The following CREB3L2 variants were observed in gnomAD, a reference collection of about 807,000 sequenced individuals.
CREB3L2 encodes the protein cAMP responsive element binding protein 3 like 2, also known as cyclic AMP-responsive element-binding protein 3-like protein 2.
A neutral mutation model predicts 57.2 loss-of-function variants in CREB3L2; 23 were observed. The observed-to-expected ratio is 0.40, with a 90% confidence interval of 0.29 to 0.57. The LOEUF (loss-of-function observed/expected upper bound fraction) is 0.57, where lower values mean the gene tolerates loss of function less well. CREB3L2 is among the 20% of genes least tolerant of loss of function. The probability of loss-of-function intolerance (pLI) is 0.42; values close to 1 mark genes in which losing one functional copy is unlikely to be tolerated. For synonymous variants in CREB3L2, 268 were observed against 265.1 expected, an observed-to-expected ratio of 1.01 and a Z score of -0.11; for missense variants, 628 against 634.7, an observed-to-expected ratio of 0.99 and a Z score of 0.11.
chr7:137,987,716 C>T (rs1229639508), intron 1 of CREB3L2, among the ~76,000 whole-genome samples: 1 of 152,206 alleles, frequency 6.6e-6, no homozygotes, highest in Non-Finnish European at 1.5e-5. Context: ...CAGGATCTGG[C>T]TCTGTTGCCC....
Position 138,001,800 on chromosome 7 carries a change from G to C in CREB3L2, c.-95C>G. On this transcript the variant is annotated 5_prime_UTR_variant, in exon 1 of 12. Transcript: ENST00000330387. This position sits in a 1 kb window ranked among gnomAD's most constrained non-coding sequence, Gnocchi z 4.2. ...GCAAGGTTCCTCTCTCTCCGCGTGTGCTTGCGTGTGTGCGCGCGCGTGTCT... is the reference window on the plus strand; with the variant it reads ...GCAAGGTTCCTCTCTCTCCGCGTGTCCTTGCGTGTGTGCGCGCGCGTGTCT... 1 of 839,602 alleles carries C rather than the reference G, an allele frequency of 1.2e-6. No homozygotes were observed. Among genetic ancestry groups the C allele is most frequent in the South Asian group, 1.9e-5 (1 of 51,826 alleles). The allele number at this position is 839,602 out of a possible 1,614,324, so 52.0% of individuals were successfully genotyped here.
chr7:137,879,982 G>A lies in CREB3L2; in HGVS notation c.*494C>T. 1 of 239,902 alleles carries A rather than the reference G, an allele frequency of 4.2e-6. No individual in the cohort carries two copies. The highest frequency in any genetic ancestry group is 6.0e-5 in the East Asian group (1 of 16,704). The allele number at this position is 239,902 out of a possible 1,614,324, so 14.9% of individuals were successfully genotyped here. The stretch of plus-strand genomic sequence containing the variant: ...GCTCCCAGGGGGCAGAGTGGGCGGA[G>A]GGCTGCTGTCGGGGGTGTTCACACC... On this transcript the variant is annotated 3_prime_UTR_variant, in exon 12 of 12. Transcript: ENST00000330387.
chr7:137,926,419 A>G (rs1208892466), intron 2 of CREB3L2, among the ~76,000 whole-genome samples: 1 of 152,216 alleles, frequency 6.6e-6, no homozygotes, highest in Non-Finnish European at 1.5e-5. Context: ...GAATGAGTGC[A>G]TGTCCTTTGC....
At chr7:137,919,274 C>T (rs58888708) in intron 2 of CREB3L2, among the ~76,000 whole-genome samples, 3,245 of 151,642 alleles carry the variant, frequency 0.021, 33 homozygotes, top group African/African-American at 0.039. Context: ...TGGGTTCAAG[C>T]GATTCTCCTG....
chr7:137,987,870 G>C (rs888180550), intron 1 of CREB3L2, among the ~76,000 whole-genome samples: 1 of 152,106 alleles, frequency 6.6e-6, no homozygotes, highest in African/African-American at 2.4e-5. Flanking sequence ...TTAAAAGTTT[G>C]TAACACGGGT....
intron 1 of CREB3L2, among the ~76,000 whole-genome samples, chr7:137,965,732 G>A (rs1227141782): frequency 3.3e-5 from 5 of 152,146 alleles, no homozygotes; most frequent in Admixed American, 3.3e-4. Context: ...GTTGACCAGG[G>A]TAACGTCCAC....
chr7:137,916,820 G>A (rs1800147050), intron 2 of CREB3L2, among the ~76,000 whole-genome samples: 1 of 152,134 alleles, frequency 6.6e-6, no homozygotes, highest in East Asian at 1.9e-4. Context: ...GACAGCGAGA[G>A]CGACAGAGAG....
At chr7:137,941,617 A>G (rs1800880895) in intron 1 of CREB3L2, among the ~76,000 whole-genome samples, 1 of 152,222 alleles carries the variant, frequency 6.6e-6, no homozygotes, top group South Asian at 2.1e-4. Flanking sequence ...GTTATCCCAC[A>G]TTGCTAGCCC....
At chr7:137,905,163 T>C (rs763069031) in intron 6 of CREB3L2, among the ~76,000 whole-genome samples, 68 of 150,868 alleles carry the variant, frequency 4.5e-4, no homozygotes, top group Admixed American at 2.8e-3. Flanking sequence ...GGCCCAGGGG[T>C]AGGAGACTAC....
intron 1 of CREB3L2, among the ~76,000 whole-genome samples, chr7:137,976,966 C>T (rs1293284265): frequency 2.0e-5 from 3 of 152,140 alleles, no homozygotes; most frequent in Admixed American, 1.3e-4. Flanking sequence ...CATCAACCAT[C>T]GACAAATGAA....
At chr7:137,908,506 G>T (rs1044032447) in intron 4 of CREB3L2, 70 bp from the exon 5 acceptor site, 1 of 1,159,230 alleles carries the variant, frequency 8.6e-7, no homozygotes, top group Non-Finnish European at 1.1e-6. Context: ...TTGTGGCATA[G>T]CAAACTAAAG....
chr7:137,900,522 C>A lies in CREB3L2; in HGVS notation c.1043+832G>T, dbSNP rs148448998. Among the ~76,000 whole-genome samples the A allele has an allele frequency of 2.0e-4, 31 of 152,156 alleles. No individual in the cohort carries two copies. In the East Asian group the frequency reaches 5.6e-3, roughly 27 times the overall value. On this transcript the variant is annotated intron_variant, in intron 8 of 11. Coordinates refer to ENST00000330387, the MANE Select transcript of CREB3L2 (RefSeq NM_194071.4). ...AAAAAACAATGATTTGCAGCCGGAGCAGTGGCTCAGACCTGTAATTCCAGC... is the reference window on the plus strand; with the variant it reads ...AAAAAACAATGATTTGCAGCCGGAGAAGTGGCTCAGACCTGTAATTCCAGC...
chr7:137,903,976 C>A lies in CREB3L2; in HGVS notation c.957G>T (p.Met319Ile). 1 of 1,613,858 alleles carries A rather than the reference C, an allele frequency of 6.2e-7. No homozygotes were observed. Among genetic ancestry groups the A allele is most frequent in the Non-Finnish European group, 8.5e-7 (1 of 1,179,760 alleles). The change falls in exon 7 of 12, where the codon ATG (methionine) becomes ATT (isoleucine). Residue 319 changes from methionine (M) to isoleucine (I), a missense_variant. Physicochemically the swap from Met to Ile is conservative, Grantham distance 10. Coordinates refer to ENST00000330387, the MANE Select transcript of CREB3L2 (RefSeq NM_194071.4). ...AGGCTTACTTTTTCTCCAGGCTGTC[C>A]ATGTATTCTTTCTTCTTTCTCCTAC... is the stretch of plus-strand genomic sequence containing the variant. ...QESRRKKKEY[M>I]DSLEKKVESC... is the part of the protein sequence containing the mutation.
intron 1 of CREB3L2, among the ~76,000 whole-genome samples, chr7:137,943,392 G>A (rs1342060864): frequency 2.0e-5 from 3 of 152,146 alleles, no homozygotes; most frequent in Non-Finnish European, 2.9e-5. Context: ...GCAGTACTGG[G>A]TGATCTCTGC....
intron 1 of CREB3L2, among the ~76,000 whole-genome samples, chr7:137,945,875 A>T (rs920986936): frequency 2.0e-5 from 3 of 152,230 alleles, no homozygotes; most frequent in African/African-American, 4.8e-5. Flanking sequence ...CATAAATCCA[A>T]ATTTCCACCT....
chr7:137,941,391 C>T (rs1294592844), intron 1 of CREB3L2, among the ~76,000 whole-genome samples: 1 of 152,236 alleles, frequency 6.6e-6, no homozygotes, highest in Non-Finnish European at 1.5e-5. Context: ...GTTCTTATCT[C>T]CATCGTGGCC....
chr7:137,905,907 T>C (rs1799882642), intron 5 of CREB3L2, 59 bp from the exon 6 acceptor site: 1 of 1,468,264 alleles, frequency 6.8e-7, no homozygotes, highest in Non-Finnish European at 9.2e-7. Flanking sequence ...CACTGAAGAA[T>C]CACCTCCCAA....
rs1227957087 is a variant in CREB3L2 at position 137,956,653 on chromosome 7, A to G, written c.103-28287T>C. The G allele has an allele frequency of 2.3e-6, 3 of 1,286,024 alleles. No individual in the cohort carries two copies. The Admixed American group carries it at 6.9e-5, about 30-fold the overall frequency. The allele number at this position is 1,286,024 out of a possible 1,614,324, so 79.7% of individuals were successfully genotyped here. On this transcript the variant is annotated intron_variant, in intron 1 of 11. Coordinates refer to ENST00000330387, the MANE Select transcript of CREB3L2 (RefSeq NM_194071.4). ...GAGAAGCCAGCAGCCCAGGTAAGCC[A>G]TATTGAAACAGCACAATTTAACAAT...
rs989607415 is a variant in CREB3L2, at chr7:137,875,874, A to G, written c.*4602T>C. 3.1e-5 allele frequency: 7 copies of G among 224,972 alleles called. No homozygotes were observed. In the East Asian group the frequency reaches 3.9e-4, roughly 12 times the overall value. The allele number at this position is 224,972 out of a possible 1,614,324, so 13.9% of individuals were successfully genotyped here. A position where few individuals can be genotyped will look rare whatever the true frequency, so the allele number is the denominator to read the frequency against. On this transcript the variant is annotated 3_prime_UTR_variant, in exon 12 of 12. Transcript: ENST00000330387. ...CCTTCTAGAAACCAAGGCTAAATAA[A>G]ACATTCCTGAATTTTATGTTGTCCA...
Sources: allele counts gnomAD v4.1 joint callset (sites outside exome capture counted in the v4.1 genomes callset), GRCh38; gene constraint gnomAD v4.1.1; non-coding constraint Gnocchi (gnomAD v3.1); transcripts MANE v1.5; gene names NCBI Gene and HGNC (gene_info 2026-07-23, HGNC 2026-07-21).